L3MBTL4: variants seen among roughly 807,000 people sequenced by gnomAD.
L3MBTL4 encodes lethal(3)malignant brain tumor-like protein 4.
A neutral mutation model predicts 84.5 loss-of-function variants in L3MBTL4; 70 were observed. That is an observed-to-expected ratio of 0.83 (90% confidence interval 0.68 to 1.01). The LOEUF is 1.01. L3MBTL4 is among the 50% of genes least tolerant of loss of function. L3MBTL4 has a pLI of 0.00. For synonymous variants in L3MBTL4, 274 were observed against 259.8 expected (o/e 1.05, Z -0.52); for missense variants, 715 against 754.8 (o/e 0.95, Z 0.62).
At chr18:6,349,144 C>G (rs1485900713) in intron 1 of L3MBTL4, among the ~76,000 whole-genome samples, 3 of 152,176 alleles carry the variant, frequency 2.0e-5, no homozygotes, top group Non-Finnish European at 4.4e-5. Context: ...TTGGAAGTAA[C>G]TATTACAACT....
chr18:6,357,037 G>A (rs183908143), intron 1 of L3MBTL4, among the ~76,000 whole-genome samples: 2 of 152,212 alleles, frequency 1.3e-5, no homozygotes, highest in Admixed American at 1.3e-4. Context: ...ATGCATATGG[G>A]TGTCATATAT....
chr18:6,342,942 T>C (rs1482013019), intron 1 of L3MBTL4, among the ~76,000 whole-genome samples: 2 of 152,038 alleles, frequency 1.3e-5, no homozygotes, highest in African/African-American at 2.4e-5. Context: ...GCTATACTTA[T>C]ATCAGAAAAA....
intron 10 of L3MBTL4, among the ~76,000 whole-genome samples, chr18:6,220,676 T>A (rs1360391448): frequency 2.6e-5 from 4 of 152,260 alleles, no homozygotes; most frequent in Non-Finnish European, 5.9e-5. Flanking sequence ...TATGTTCACT[T>A]CACTGTTATT....
intron 4 of L3MBTL4, among the ~76,000 whole-genome samples, chr18:6,264,632 A>G (rs534135654): frequency 6.6e-6 from 1 of 152,262 alleles, no homozygotes; most frequent in East Asian, 1.9e-4. Context: ...AAAAATACAA[A>G]AATTAGCTGG....
chr18:6,027,264 C>T (rs931093566), intron 16 of L3MBTL4, among the ~76,000 whole-genome samples: 1 of 152,130 alleles, frequency 6.6e-6, no homozygotes, highest in Non-Finnish European at 1.5e-5. Flanking sequence ...CAACTCCCAC[C>T]TATGAGTGAG....
intron 13 of L3MBTL4, 109 bp from the exon 14 acceptor site, chr18:6,138,405 A>C: frequency 1.5e-6 from 1 of 665,728 alleles, no homozygotes; most frequent in Non-Finnish European, 2.5e-6. Context: ...AAAACAAACC[A>C]TCACCAAAAA....
chr18:6,146,709 A>AATGGTATT (rs2144762535), intron 13 of L3MBTL4, among the ~76,000 whole-genome samples: 1 of 152,340 alleles, frequency 6.6e-6, no homozygotes, highest in East Asian at 1.9e-4. Flanking sequence ...TTATGCCCCA[A>AATGGTATT]ATGGTATTTC....
intron 17 of L3MBTL4, among the ~76,000 whole-genome samples, chr18:5,963,384 T>G (rs2052159741): frequency 6.6e-6 from 1 of 152,244 alleles, no homozygotes; most frequent in Non-Finnish European, 1.5e-5. Flanking sequence ...TAGACTGGAT[T>G]TTTTTAAAGG....
chr18:6,385,377 G>A (rs1398866147), intron 1 of L3MBTL4, among the ~76,000 whole-genome samples: 9 of 152,154 alleles, frequency 5.9e-5, no homozygotes, highest in Admixed American at 3.3e-4. Flanking sequence ...AATGCAGCCT[G>A]GGTGACAGAG....
At chr18:6,115,514 G>A (rs1240615132) in intron 14 of L3MBTL4, among the ~76,000 whole-genome samples, 1 of 152,172 alleles carries the variant, frequency 6.6e-6, no homozygotes, top group Non-Finnish European at 1.5e-5. Flanking sequence ...TTTGGGTGGA[G>A]GGAATGAGGT....
In L3MBTL4 at chr18:5,986,127, G is replaced by A. The variant is rs113733940; in HGVS notation, c.1445-16565C>T. On this transcript the variant is annotated intron_variant, in intron 16 of 18. Transcript: ENST00000317931. The stretch of plus-strand genomic sequence containing the variant: ...TGAGAATGAAATAAGAAGGTGCTGA[G>A]AGGCCGAAAGAGATGCCTGCCTTTG... Among the ~76,000 whole-genome samples the A allele has an allele frequency of 1.2e-3, 187 of 152,322 alleles. 1 individual carries two copies. Among genetic ancestry groups the A allele is most frequent in the African/African-American group, 4.4e-3 (183 of 41,568 alleles).
intron 17 of L3MBTL4, among the ~76,000 whole-genome samples, chr18:5,967,417 G>A (rs753843965): frequency 8.5e-5 from 13 of 152,230 alleles, no homozygotes; most frequent in Non-Finnish European, 1.8e-4. Context: ...CGTGGTGCAC[G>A]TCTGCCATCA....
intron 16 of L3MBTL4, among the ~76,000 whole-genome samples, chr18:6,021,484 T>C (rs970397045): frequency 6.6e-6 from 1 of 152,186 alleles, no homozygotes; most frequent in Non-Finnish European, 1.5e-5. Flanking sequence ...TCACTCATTT[T>C]CAGACACAAT....
rs185799550 is a variant in L3MBTL4 at position 5,998,197 on chromosome 18, C to T, written c.1445-28635G>A. Among the ~76,000 whole-genome samples the T allele has an allele frequency of 4.6e-5, 7 of 152,294 alleles. No individual in the cohort carries two copies. In the East Asian group the frequency reaches 1.4e-3, roughly 29 times the overall value. On this transcript the variant is annotated intron_variant, in intron 16 of 18. Transcript: ENST00000317931. ...GGCCAGGTATGGCCGATGCTGCATC[C>T]TAAATACTTGCTACTGTCAAATGAA...
intron 10 of L3MBTL4, among the ~76,000 whole-genome samples, chr18:6,228,124 A>T (rs1169600667): frequency 1.3e-5 from 2 of 152,230 alleles, no homozygotes; most frequent in African/African-American, 4.8e-5. Flanking sequence ...CTAGACATAC[A>T]TTGTCAATTA....
intron 1 of L3MBTL4, among the ~76,000 whole-genome samples, chr18:6,366,179 T>G (rs550110166): frequency 9.2e-5 from 14 of 152,346 alleles, no homozygotes; most frequent in African/African-American, 3.4e-4. Flanking sequence ...ATAACTAAAT[T>G]TAATAATTCC....
intron 1 of L3MBTL4, among the ~76,000 whole-genome samples, chr18:6,393,803 A>G (rs1215634851): frequency 6.6e-6 from 1 of 152,084 alleles, no homozygotes; most frequent in Non-Finnish European, 1.5e-5. Flanking sequence ...CTCCACGGCC[A>G]GTGATACTCA....
At chr18:6,069,898 A>G (rs1305807174) in intron 16 of L3MBTL4, among the ~76,000 whole-genome samples, 1 of 152,236 alleles carries the variant, frequency 6.6e-6, no homozygotes, top group Non-Finnish European at 1.5e-5. Context: ...TTGCTAAACT[A>G]AGAAATAAAC....
chr18:6,307,703 T>A (rs1282133888), intron 3 of L3MBTL4, among the ~76,000 whole-genome samples: 1 of 152,012 alleles, frequency 6.6e-6, no homozygotes, highest in African/African-American at 2.4e-5. Context: ...TAGTCTAAGA[T>A]CCTTTTGAGA....
Sources: gnomAD v4.1 joint callset for allele counts (sites outside exome capture counted in the v4.1 genomes callset) on GRCh38, gnomAD v4.1.1 for gene constraint, MANE v1.5 for transcripts, NCBI Gene and HGNC (gene_info 2026-07-23, HGNC 2026-07-21) for gene names.